Variants in TM2D1 observed in about 807,000 individuals in gnomAD.
The protein encoded by TM2D1 is TM2 domain-containing protein 1.
A neutral mutation model predicts 28.4 loss-of-function variants in TM2D1; 15 were observed. The ratio of observed to expected loss-of-function variants is 0.53; its 90% CI spans 0.35 to 0.81. The LOEUF (loss-of-function observed/expected upper bound fraction) is 0.81. TM2D1 is among the 40% of genes least tolerant of loss of function. The pLI, the probability that TM2D1 is intolerant of heterozygous loss-of-function variation, is 0.01. For synonymous variants in TM2D1, 93 were observed against 96.2 expected (o/e 0.97, Z 0.20); for missense variants, 236 against 254.9 (o/e 0.93, Z 0.50).
At position 61,718,670 on chromosome 1, in the gene TM2D1, A is replaced by G. The variant is rs1252340715; in HGVS notation, c.238+5043T>C. Among the ~76,000 whole-genome samples, 5 of 152,228 alleles carry G rather than the reference A, an allele frequency of 3.3e-5. No individual in the cohort carries two copies. The East Asian group carries it at 9.6e-4, about 29-fold the overall frequency. On this transcript the variant is annotated intron_variant, in intron 2 of 6. Transcript: ENST00000606498. ...CCAAGGAGAAAGAGATAGTTATCAT[A>G]TGCCCCCAGATGTGAGATGTTGGGA...
intron 2 of TM2D1, among the ~76,000 whole-genome samples, chr1:61,716,051 C>T (rs999940629): frequency 1.8e-4 from 27 of 151,668 alleles, no homozygotes; most frequent in African/African-American, 4.1e-4. Context: ...GTGATCCACC[C>T]GCCTCGGCCT....
Position 61,724,097 on chromosome 1 carries a change from C to T in TM2D1, c.165-311G>A, listed in dbSNP as rs952729105. Among the ~76,000 whole-genome samples the T allele has an allele frequency of 3.3e-5, 5 of 152,152 alleles. No homozygotes were observed. The South Asian group carries it at 1.0e-3, about 31-fold the overall frequency. On this transcript the variant is annotated intron_variant, in intron 1 of 6. Coordinates refer to ENST00000606498, the MANE Select transcript of TM2D1 (RefSeq NM_032027.3). The stretch of plus-strand genomic sequence containing the variant: ...TTTAAATTTGCCCCATAATTATCCA[C>T]GTTTTTACTCATGAGAAAACAGAGT...
At chr1:61,711,425 G>T (rs1644478587) in intron 2 of TM2D1, among the ~76,000 whole-genome samples, 1 of 151,912 alleles carries the variant, frequency 6.6e-6, no homozygotes, top group African/African-American at 2.4e-5. Flanking sequence ...AGAGGAGGGA[G>T]GACTGCTTGA....
chr1:61,698,889 A>C (rs1262406364), intron 4 of TM2D1: 1 of 152,122 alleles, frequency 6.6e-6, no homozygotes, highest in Non-Finnish European at 1.5e-5. Flanking sequence ...CCAGCAAAAA[A>C]TTGAATTTTA....
chr1:61,703,718 T>TTATATATATATA (rs56267637), intron 3 of TM2D1, among the ~76,000 whole-genome samples: 7 of 99,098 alleles, frequency 7.1e-5, no homozygotes, highest in Non-Finnish European at 1.1e-4. Flanking sequence ...TAGCCAATCT[T>TTATATATATATA]TATATATATA....
chr1:61,685,327 A>G (rs1033984740), intron 5 of TM2D1, among the ~76,000 whole-genome samples: 5 of 152,336 alleles, frequency 3.3e-5, no homozygotes, highest in African/African-American at 1.2e-4. Flanking sequence ...TAAATATGTA[A>G]ATATTTGCAA....
intron 2 of TM2D1, among the ~76,000 whole-genome samples, chr1:61,710,993 T>C (rs1644474433): frequency 6.6e-6 from 1 of 152,196 alleles, no homozygotes; most frequent in Non-Finnish European, 1.5e-5. Flanking sequence ...GTGGTGTTTA[T>C]AATAAAACGC....
At chr1:61,710,853 G>A (rs1644473723) in intron 2 of TM2D1, among the ~76,000 whole-genome samples, 1 of 151,922 alleles carries the variant, frequency 6.6e-6, no homozygotes, top group Non-Finnish European at 1.5e-5. Flanking sequence ...AGTACACTGA[G>A]AAAACGATGG....
chr1:61,691,495 CAA>C (rs1183951634), intron 5 of TM2D1, among the ~76,000 whole-genome samples: 35 of 39,356 alleles, frequency 8.9e-4, no homozygotes, highest in Admixed American at 3.2e-3. Flanking sequence ...AACTCCATCT[CAA>C]AAAAAAAAAA....
At chr1:61,693,978 G>T (rs887857264) in intron 5 of TM2D1, among the ~76,000 whole-genome samples, 1 of 152,102 alleles carries the variant, frequency 6.6e-6, no homozygotes, top group African/African-American at 2.4e-5. Context: ...AATGTTTAAG[G>T]ACAGCATTTC....
chr1:61,701,790 T>C (rs11805607), intron 3 of TM2D1, among the ~76,000 whole-genome samples: 8,614 of 151,930 alleles, frequency 0.057, 743 homozygotes, highest in African/African-American at 0.19. Context: ...AATGCTGAAA[T>C]CTAATGGGCA....
Position 61,709,352 on chromosome 1 carries a change from GA to G in TM2D1, c.323del (p.Phe108SerfsTer9). On this transcript the variant is annotated frameshift_variant, in exon 3 of 7. Coordinates refer to ENST00000606498, the MANE Select transcript of TM2D1 (RefSeq NM_032027.3). LOFTEE classifies it high-confidence loss of function. Reference sequence around the variant, plus strand: ...ACACATTTCGGCAAGATATGGGCTTGAAAAAACCAACTTCGTTCCCAGTAAA... The same window carrying G: ...ACACATTTCGGCAAGATATGGGCTTGAAAAACCAACTTCGTTCCCAGTAAA... ...THFTGNEVGF[F>X]KPISCRNVNG... 1 of 1,612,332 alleles carries G rather than the reference GA, an allele frequency of 6.2e-7. No homozygotes were observed. Among genetic ancestry groups the G allele is most frequent in the Non-Finnish European group, 8.5e-7 (1 of 1,178,858 alleles).
At chr1:61,696,798 A>G (rs1327996124) in intron 4 of TM2D1, among the ~76,000 whole-genome samples, 5 of 152,006 alleles carry the variant, frequency 3.3e-5, no homozygotes, top group Admixed American at 2.6e-4. Context: ...AGTTTTTAAA[A>G]TTGTTTGTAG....
intron 4 of TM2D1, 132 bp from the exon 5 acceptor site, chr1:61,694,902 TAAAG>T (rs940572605): frequency 6.0e-5 from 27 of 448,426 alleles, no homozygotes; most frequent in African/African-American, 5.1e-4. Context: ...AAGTAACACT[TAAAG>T]AAATCAAATC....
In TM2D1 at chr1:61,691,935, ATATATAT is replaced by A. The variant is rs1644329843; in HGVS notation, c.513+2755_513+2761del. 1.5e-4 allele frequency among the ~76,000 whole-genome samples: 11 copies of A among 75,742 alleles called. 1 individual carries two copies. Among genetic ancestry groups the A allele is most frequent in the South Asian group, 4.2e-4 (1 of 2,394 alleles). 49.7% of individuals were successfully genotyped at this position (75,742 alleles called of 152,430 possible). A position where few individuals can be genotyped will look rare whatever the true frequency, so the allele number is the denominator to read the frequency against. The stretch of plus-strand genomic sequence containing the variant: ...CAAAAAAAACTTAAAAAAAAAAAAT[ATATATAT>A]ATATATATATATATATATGTATATA... On this transcript the variant is annotated intron_variant, in intron 5 of 6. Transcript: ENST00000606498.
At chr1:61,689,386 CA>C (rs1471060550) in intron 5 of TM2D1, among the ~76,000 whole-genome samples, 3 of 152,064 alleles carry the variant, frequency 2.0e-5, no homozygotes, top group African/African-American at 7.2e-5. Flanking sequence ...TTTTTTGAGA[CA>C]GGGTCTCACT....
intron 5 of TM2D1, among the ~76,000 whole-genome samples, chr1:61,693,046 G>C (rs1177092373): frequency 1.3e-5 from 2 of 152,012 alleles, no homozygotes; most frequent in Non-Finnish European, 1.5e-5. Flanking sequence ...AGACCAGCCT[G>C]GGCAACATGG....
intron 2 of TM2D1, among the ~76,000 whole-genome samples, chr1:61,723,105 T>C (rs1293233398): frequency 1.3e-5 from 2 of 152,168 alleles, no homozygotes; most frequent in Admixed American, 6.6e-5. Flanking sequence ...AATAAATTCA[T>C]AAACATGTAA....
At chr1:61,682,276 C>T (rs916134629) in intron 6 of TM2D1, among the ~76,000 whole-genome samples, 6 of 152,162 alleles carry the variant, frequency 3.9e-5, no homozygotes, top group African/African-American at 2.4e-5. Context: ...GACATCTACC[C>T]TGTCTTTCTC....
Sources: allele counts gnomAD v4.1 joint callset (sites outside exome capture counted in the v4.1 genomes callset), GRCh38; gene constraint gnomAD v4.1.1; transcripts MANE v1.5; gene names NCBI Gene and HGNC (gene_info 2026-07-23, HGNC 2026-07-21).